Variants in KIF26B observed in about 807,000 individuals in gnomAD.
KIF26B encodes the protein kinesin-like protein KIF26B.
A neutral mutation model predicts 151.2 loss-of-function variants in KIF26B; 63 were observed. That is an observed-to-expected ratio of 0.42 (90% CI 0.34 to 0.51). KIF26B has a LOEUF of 0.51. KIF26B is among the 20% of genes least tolerant of loss of function. The pLI is 0.07. For synonymous variants in KIF26B, 1,357 were observed against 1,262.1 expected, an observed-to-expected ratio of 1.08 and a Z score of -1.59; for missense variants, 2,813 against 2,913.6, an observed-to-expected ratio of 0.97 and a Z score of 0.79.
At position 245,669,355 on chromosome 1, in the gene KIF26B, G is replaced by T. The variant is rs373798755; in HGVS notation, c.2259-14878G>T. The stretch of plus-strand genomic sequence containing the variant: ...TGAAGTATTCCCTACAAATGAAAAG[G>T]CAATCTTATATGACAAAGGACACTA... On this transcript the variant is annotated intron_variant, in intron 10 of 14. Coordinates refer to ENST00000407071, the MANE Select transcript of KIF26B (RefSeq NM_018012.4). Among the ~76,000 whole-genome samples, 9 of 152,082 alleles carry T rather than the reference G, an allele frequency of 5.9e-5. No individual in the cohort carries two copies. The South Asian group carries it at 1.7e-3, about 28-fold the overall frequency.
intron 5 of KIF26B, among the ~76,000 whole-genome samples, chr1:245,545,708 C>T (rs1661727691): frequency 2.6e-5 from 4 of 152,192 alleles, no homozygotes; most frequent in Admixed American, 1.3e-4. Flanking sequence ...ATTAGTGGAT[C>T]AAAGCAGCTT....
chr1:245,640,143 C>CTCTCTCTCTCTCTCTCTCTCTATATA, intron 9 of KIF26B, among the ~76,000 whole-genome samples: 17 of 31,916 alleles, frequency 5.3e-4, no homozygotes, highest in Middle Eastern at 0.012. Context: ...CTCTCTCTCT[C>CTCTCTCTCTCTCTCTCTCTCTATATA]TATATATATA....
chr1:245,611,411 G>A lies in KIF26B; in HGVS notation c.1915-382G>A, dbSNP rs180790266. ...ACAATCTAATCTTTGGACTCAAGAT[G>A]CAGTCACATCGCTCCTGTTTTCTTA... On this transcript the variant is annotated intron_variant, in intron 8 of 14. Coordinates refer to ENST00000407071, the MANE Select transcript of KIF26B (RefSeq NM_018012.4). Among the ~76,000 whole-genome samples, 5 of 152,286 alleles carry A rather than the reference G, an allele frequency of 3.3e-5. No homozygotes were observed. In the East Asian group the frequency reaches 9.6e-4, roughly 29 times the overall value.
At chr1:245,493,892 A>G (rs986516334) in intron 4 of KIF26B, among the ~76,000 whole-genome samples, 1 of 152,082 alleles carries the variant, frequency 6.6e-6, no homozygotes, top group African/African-American at 2.4e-5. Flanking sequence ...TGAACTGGAT[A>G]CTCCAGTCGT....
chr1:245,384,592 C>G (rs1031874557), intron 3 of KIF26B, among the ~76,000 whole-genome samples: 1 of 152,166 alleles, frequency 6.6e-6, no homozygotes, highest in African/African-American at 2.4e-5. Flanking sequence ...GGCCCATTCT[C>G]ATTTTAAAGA....
At chr1:245,594,941 G>A (rs1433055611) in intron 5 of KIF26B, among the ~76,000 whole-genome samples, 2 of 151,362 alleles carry the variant, frequency 1.3e-5, no homozygotes, top group Non-Finnish European at 2.9e-5. Context: ...TTGTGAATGG[G>A]AGTTCACTCA....
At chr1:245,328,556 T>C (rs1439524066) in intron 2 of KIF26B, among the ~76,000 whole-genome samples, 1 of 152,198 alleles carries the variant, frequency 6.6e-6, no homozygotes, top group Non-Finnish European at 1.5e-5. Flanking sequence ...GTGGTGTGGT[T>C]TGCGGAATTC....
chr1:245,654,005 G>A (rs1224127924), intron 10 of KIF26B, among the ~76,000 whole-genome samples: 4 of 152,322 alleles, frequency 2.6e-5, no homozygotes, highest in Non-Finnish European at 5.9e-5. Flanking sequence ...TGAGGCTGCA[G>A]TAAGCTATGA....
At chr1:245,458,387 A>G (rs1659583443) in intron 4 of KIF26B, among the ~76,000 whole-genome samples, 1 of 152,208 alleles carries the variant, frequency 6.6e-6, no homozygotes, top group African/African-American at 2.4e-5. Flanking sequence ...AGATAGGAAG[A>G]AGAACCAGAT....
At chr1:245,661,144 G>A (rs535064046) in intron 10 of KIF26B, among the ~76,000 whole-genome samples, 1 of 152,078 alleles carries the variant, frequency 6.6e-6, no homozygotes, top group South Asian at 2.1e-4. Flanking sequence ...CTGCCACCAT[G>A]CCCAGCTAAT....
At position 245,607,649 on chromosome 1, in the gene KIF26B, A is replaced by C; in HGVS notation, c.1558-2A>C. On this transcript the variant is annotated splice_acceptor_variant, in intron 6 of 14. Coordinates refer to ENST00000407071, the MANE Select transcript of KIF26B (RefSeq NM_018012.4). LOFTEE classifies it high-confidence loss of function. ...GCTCGTGTCTCCTCTTGTGTCTGAC[A>C]GGCTGAAGTGTGTGCAGGCACCGTG... 1 of 1,604,774 alleles carries C rather than the reference A, an allele frequency of 6.2e-7. No individual in the cohort carries two copies. The highest frequency in any genetic ancestry group is 8.5e-7 in the Non-Finnish European group (1 of 1,175,262).
At position 245,156,463 on chromosome 1, in the gene KIF26B, C is replaced by A; in HGVS notation, c.245C>A (p.Thr82Asn). The A allele has an allele frequency of 6.6e-7, 1 of 1,524,948 alleles. No individual in the cohort carries two copies. The highest frequency in any genetic ancestry group is 8.8e-7 in the Non-Finnish European group (1 of 1,140,050). The allele number at this position is 1,524,948 out of a possible 1,614,324, so 94.5% of individuals were successfully genotyped here. A position where few individuals can be genotyped will look rare whatever the true frequency, so the allele number is the denominator to read the frequency against. ...GGCACCTCGTCCCCGAGCTCGTTCACCGGCTCCCCGGGACCCGCCTCCCCC... is the reference window on the plus strand; with the variant it reads ...GGCACCTCGTCCCCGAGCTCGTTCAACGGCTCCCCGGGACCCGCCTCCCCC... Reference protein sequence around the residue: ...GSGTSSPSSFTGSPGPASPGI... With the variant: ...GSGTSSPSSFNGSPGPASPGI... The change falls in exon 2 of 15, where the codon ACC (threonine) becomes AAC (asparagine). Residue 82 changes from threonine (T) to asparagine (N), a missense_variant. By Grantham distance (65) the Thr-to-Asn change is moderately conservative. Coordinates refer to ENST00000407071, the MANE Select transcript of KIF26B (RefSeq NM_018012.4).
At chr1:245,621,818 G>A (rs775033526) in intron 9 of KIF26B, among the ~76,000 whole-genome samples, 4 of 152,192 alleles carry the variant, frequency 2.6e-5, no homozygotes, top group Admixed American at 6.5e-5. Flanking sequence ...CTGTGCCTAC[G>A]GCAACTCCAA....
At chr1:245,537,045 T>G (rs1661502493) in intron 4 of KIF26B, among the ~76,000 whole-genome samples, 1 of 152,178 alleles carries the variant, frequency 6.6e-6, no homozygotes, top group Admixed American at 6.5e-5. Context: ...AGAGTATCAG[T>G]GTCAGGTTGT....
At chr1:245,685,368 G>T (rs764132071) in intron 11 of KIF26B, 37 bp from the exon 12 acceptor site, 3 of 1,530,998 alleles carry the variant, frequency 2.0e-6, no homozygotes, top group Non-Finnish European at 2.7e-6. Context: ...AAACTGCCAC[G>T]GAAAGGCCAC....
intron 5 of KIF26B, among the ~76,000 whole-genome samples, chr1:245,575,095 G>A (rs920848278): frequency 1.3e-5 from 2 of 151,032 alleles, no homozygotes; most frequent in Non-Finnish European, 3.0e-5. Context: ...TCCATCTCCT[G>A]ACCTTGTGAT....
intron 4 of KIF26B, among the ~76,000 whole-genome samples, chr1:245,532,775 A>G (rs1661402829): frequency 6.6e-6 from 1 of 152,138 alleles, no homozygotes; most frequent in Non-Finnish European, 1.5e-5. Context: ...CAGGAAAAAA[A>G]AAACCCCAGC....
Position 245,686,154 on chromosome 1 carries a change from A to G in KIF26B, c.3171A>G (p.Glu1057=). The G allele has an allele frequency of 6.2e-7, 1 of 1,612,478 alleles. No homozygotes were observed. Among genetic ancestry groups the G allele is most frequent in the Non-Finnish European group, 8.5e-7 (1 of 1,179,808 alleles). ...GCCTCAACTCCTGCGGCTTCGTGGA[A>G]GGCAAGCCCAGGCCCATGGGCTCCC... is the stretch of plus-strand genomic sequence containing the variant. The part of the protein sequence containing the change: ...RESLNSCGFV[E]GKPRPMGSPR... Residue 1057 remains glutamate, a synonymous_variant, in exon 12 of 15, where the codon GAA becomes GAG. Coordinates refer to ENST00000407071, the MANE Select transcript of KIF26B (RefSeq NM_018012.4). This position sits in a 1 kb window ranked among gnomAD's most constrained non-coding sequence, Gnocchi z 5.6.
In KIF26B at chr1:245,366,386, G is replaced by T. The variant is rs182026138; in HGVS notation, c.466-448G>T. 5.0e-3 allele frequency among the ~76,000 whole-genome samples: 759 copies of T among 152,114 alleles called. 7 individuals are homozygous for T. The highest frequency in any genetic ancestry group is 0.017 in the African/African-American group (717 of 41,512). On this transcript the variant is annotated intron_variant, in intron 2 of 14. Coordinates refer to ENST00000407071, the MANE Select transcript of KIF26B (RefSeq NM_018012.4). ...TCTCTACTAAAAGTACAAAAAATTAGCTGGGCGTGGTGGTGGGCGCCTGTA... is the reference window on the plus strand; with the variant it reads ...TCTCTACTAAAAGTACAAAAAATTATCTGGGCGTGGTGGTGGGCGCCTGTA...
Sources: gnomAD v4.1 joint callset for allele counts (sites outside exome capture counted in the v4.1 genomes callset) on GRCh38, gnomAD v4.1.1 for gene constraint, Gnocchi (gnomAD v3.1) non-coding constraint, MANE v1.5 for transcripts, NCBI Gene and HGNC (gene_info 2026-07-23, HGNC 2026-07-21) for gene names.